RMST: variants seen among roughly 807,000 people sequenced by gnomAD.
The protein encoded by RMST is long intergenic non-protein coding RNA 54.
chr12:97,554,991 G>A (rs776054324), intron 11 of RMST, among the ~76,000 whole-genome samples: 1 of 152,110 alleles, frequency 6.6e-6, no homozygotes, highest in Non-Finnish European at 1.5e-5. Flanking sequence ...CAAGAGAAGA[G>A]TAAATAGGCT....
At chr12:97,485,676 A>G (rs1021455432) in intron 5 of RMST, among the ~76,000 whole-genome samples, 2 of 152,250 alleles carry the variant, frequency 1.3e-5, no homozygotes, top group Non-Finnish European at 2.9e-5. Flanking sequence ...AGCATTTTAT[A>G]AAATAAGCCT....
chr12:97,466,347 C>T (rs556743484), intron 5 of RMST, among the ~76,000 whole-genome samples: 1 of 152,250 alleles, frequency 6.6e-6, no homozygotes, highest in Non-Finnish European at 1.5e-5. Context: ...CAGAGCTCAA[C>T]TTGTGGCTCC....
chr12:97,465,262 G>T (rs1873046306), intron 4 of RMST, among the ~76,000 whole-genome samples: 1 of 152,180 alleles, frequency 6.6e-6, no homozygotes, highest in Admixed American at 6.5e-5. Flanking sequence ...TCTGCTACGG[G>T]CGGCTCTGTC....
intron 5 of RMST, among the ~76,000 whole-genome samples, chr12:97,480,993 A>T (rs747034482): frequency 6.6e-6 from 1 of 152,206 alleles, no homozygotes; most frequent in Non-Finnish European, 1.5e-5. Flanking sequence ...CCTGAGCTAT[A>T]CAGTTCATTG....
intron 12 of RMST, chr12:97,560,766 A>G (rs1419026755): frequency 2.0e-5 from 3 of 152,200 alleles, no homozygotes; most frequent in South Asian, 2.1e-4. Flanking sequence ...AAAGATATCT[A>G]TAAAGTTTTC....
chr12:97,485,398 G>A (rs1875970131), intron 5 of RMST, among the ~76,000 whole-genome samples: 1 of 152,086 alleles, frequency 6.6e-6, no homozygotes, highest in Non-Finnish European at 1.5e-5. Context: ...CTGTACATAT[G>A]ATAGATACAT....
intron 11 of RMST, among the ~76,000 whole-genome samples, chr12:97,556,078 G>A (rs1883687951): frequency 6.6e-6 from 1 of 152,108 alleles, no homozygotes; most frequent in African/African-American, 2.4e-5. Flanking sequence ...CAAAATATTA[G>A]CACAAGAAGA....
At chr12:97,475,519 A>G (rs1874431467) in intron 5 of RMST, among the ~76,000 whole-genome samples, 1 of 151,942 alleles carries the variant, frequency 6.6e-6, no homozygotes, top group African/African-American at 2.4e-5. Flanking sequence ...TTTGAAACAC[A>G]GTTTCTTCCT....
chr12:97,558,117 A>ACTTTCTACTT (rs1883839442), intron 11 of RMST, among the ~76,000 whole-genome samples: 1 of 151,744 alleles, frequency 6.6e-6, no homozygotes, highest in African/African-American at 2.4e-5. Flanking sequence ...CTTCTTACTT[A>ACTTTCTACTT]GCTTCTCCTT....
chr12:97,509,358 G>A (rs1213234701), intron 10 of RMST, among the ~76,000 whole-genome samples: 2 of 151,626 alleles, frequency 1.3e-5, no homozygotes, highest in East Asian at 1.9e-4. Context: ...TCATTAATTC[G>A]TTATATGGGA....
intron 5 of RMST, among the ~76,000 whole-genome samples, chr12:97,489,718 G>A (rs1390254820): frequency 1.3e-5 from 2 of 152,158 alleles, no homozygotes; most frequent in Non-Finnish European, 2.9e-5. Context: ...AATTGTTAAT[G>A]CTTAGTTGCA....
At chr12:97,474,276 G>C (rs944294026) in intron 5 of RMST, among the ~76,000 whole-genome samples, 1 of 152,082 alleles carries the variant, frequency 6.6e-6, no homozygotes, top group African/African-American at 2.4e-5. Flanking sequence ...GGGAAGCAAG[G>C]TTCGCCATCC....
chr12:97,513,055 C>G (rs924487439), intron 10 of RMST, among the ~76,000 whole-genome samples: 3 of 152,248 alleles, frequency 2.0e-5, no homozygotes, highest in Admixed American at 1.3e-4. Flanking sequence ...CGAGCCCACG[C>G]CCACCCGGAA....
intron 5 of RMST, among the ~76,000 whole-genome samples, chr12:97,490,899 GA>G (rs1428463663): frequency 6.6e-6 from 1 of 152,178 alleles, no homozygotes; most frequent in Non-Finnish European, 1.5e-5. Context: ...CAGAGTGACT[GA>G]ACACTTATCT....
At chr12:97,523,698 C>T (rs1326008009) in intron 10 of RMST, among the ~76,000 whole-genome samples, 2 of 152,104 alleles carry the variant, frequency 1.3e-5, no homozygotes, top group Non-Finnish European at 2.9e-5. Context: ...AATTGTGCTA[C>T]TATCGCACAG....
intron 11 of RMST, among the ~76,000 whole-genome samples, chr12:97,540,645 T>C (rs1235580600): frequency 6.6e-6 from 1 of 151,700 alleles, no homozygotes; most frequent in East Asian, 1.9e-4. Context: ...TTTTGGGCCC[T>C]AGTTTACCCA....
At chr12:97,484,172 A>C (rs907696925) in intron 5 of RMST, among the ~76,000 whole-genome samples, 6 of 152,188 alleles carry the variant, frequency 3.9e-5, no homozygotes, top group Non-Finnish European at 7.4e-5. Flanking sequence ...TCTGTCAAAT[A>C]TGTCCTCAGT....
intron 7 of RMST, among the ~76,000 whole-genome samples, chr12:97,493,482 T>C (rs1431649067): frequency 6.6e-6 from 1 of 152,222 alleles, no homozygotes; most frequent in Non-Finnish European, 1.5e-5. Flanking sequence ...TTTCTTAGAT[T>C]CTTTTCTTTA....
intron 11 of RMST, among the ~76,000 whole-genome samples, chr12:97,542,663 C>G (rs1006505128): frequency 1.3e-5 from 2 of 151,894 alleles, no homozygotes; most frequent in African/African-American, 4.8e-5. Context: ...AGGACCACAT[C>G]CATCTCTGGG....
Sources: gnomAD v4.1 joint callset for allele counts (sites outside exome capture counted in the v4.1 genomes callset) on GRCh38, gnomAD v4.1.1 for gene constraint, MANE v1.5 for transcripts, NCBI Gene and HGNC (gene_info 2026-07-23, HGNC 2026-07-21) for gene names.